CNST: variants seen among roughly 807,000 people sequenced by gnomAD.
The protein encoded by CNST is consortin, connexin sorting protein.
In CNST, 39 loss-of-function variants were observed where a neutral mutation model predicts 72.4. That is an observed-to-expected ratio of 0.54 (90% CI 0.42 to 0.70). The LOEUF is 0.70. Ranked by LOEUF, CNST falls within the 30% of genes least tolerant of loss-of-function variation. The pLI is 0.00. For synonymous variants in CNST, 332 were observed against 320.1 expected, an observed-to-expected ratio of 1.04 and a Z score of -0.40; for missense variants, 871 against 868.5, an observed-to-expected ratio of 1.00 and a Z score of -0.04.
intron 1 of CNST, among the ~76,000 whole-genome samples, chr1:246,579,629 C>T (rs1241364590): frequency 3.9e-5 from 6 of 152,090 alleles, no homozygotes; most frequent in Non-Finnish European, 1.5e-5. Flanking sequence ...ATGGTGGGCA[C>T]CTGTAATTCC....
chr1:246,634,647 G>A, intron 6 of CNST, 60 bp downstream of exon 6: 1 of 836,214 alleles, frequency 1.2e-6, no homozygotes, highest in South Asian at 1.6e-5. Context: ...AAGCATTATA[G>A]CATTGAGTAT....
intron 1 of CNST, among the ~76,000 whole-genome samples, chr1:246,578,266 G>A (rs769831169): frequency 6.6e-6 from 1 of 152,040 alleles, no homozygotes; most frequent in Non-Finnish European, 1.5e-5. Context: ...AAGCAAATTC[G>A]AGACAGTGTC....
chr1:246,573,094 C>T (rs769145243), intron 1 of CNST, among the ~76,000 whole-genome samples: 3 of 152,162 alleles, frequency 2.0e-5, no homozygotes, highest in Non-Finnish European at 2.9e-5. Context: ...TATTGATACC[C>T]ATTTTTGGCA....
intron 10 of CNST, among the ~76,000 whole-genome samples, chr1:246,665,314 G>A (rs1018630908): frequency 6.6e-6 from 1 of 152,270 alleles, no homozygotes; most frequent in Non-Finnish European, 1.5e-5. Context: ...CAGGGCTGCA[G>A]TGAGCCAAGA....
intron 3 of CNST, among the ~76,000 whole-genome samples, chr1:246,625,927 T>C (rs944287924): frequency 2.0e-5 from 3 of 152,224 alleles, no homozygotes; most frequent in Non-Finnish European, 2.9e-5. Flanking sequence ...ACTGGAGCTA[T>C]TGGAAACGTC....
intron 8 of CNST, among the ~76,000 whole-genome samples, chr1:246,643,898 C>T (rs1456359560): frequency 6.6e-6 from 1 of 152,132 alleles, no homozygotes; most frequent in African/African-American, 2.4e-5. Context: ...TGGGATGAAG[C>T]AACCATTTTC....
chr1:246,577,494 C>CT (rs1356628016), intron 1 of CNST, among the ~76,000 whole-genome samples: 5 of 151,998 alleles, frequency 3.3e-5, no homozygotes, highest in Non-Finnish European at 7.3e-5. Flanking sequence ...GTTGTTCAGA[C>CT]TTTACCTTTA....
chr1:246,660,141 A>G (rs912042321), intron 9 of CNST, 58 bp from the exon 10 acceptor site: 5 of 1,450,422 alleles, frequency 3.4e-6, no homozygotes, highest in African/African-American at 2.8e-5. Context: ...TTTTATAGCT[A>G]CATGTAGAGA....
chr1:246,625,038 C>T (rs1231324094), intron 3 of CNST, among the ~76,000 whole-genome samples: 1 of 152,130 alleles, frequency 6.6e-6, no homozygotes, highest in Admixed American at 6.5e-5. Flanking sequence ...GACACTTCAC[C>T]CCTAAATATT....
intron 2 of CNST, among the ~76,000 whole-genome samples, chr1:246,618,106 GT>G (rs1167990818): frequency 6.6e-6 from 1 of 152,190 alleles, no homozygotes; most frequent in Non-Finnish European, 1.5e-5. Context: ...CTTGTATTAG[GT>G]GGGTAACCTT....
chr1:246,616,470 G>C (rs1026504322), intron 2 of CNST, among the ~76,000 whole-genome samples: 26 of 152,244 alleles, frequency 1.7e-4, no homozygotes, highest in Middle Eastern at 3.4e-3. Context: ...AGGTGGGAGG[G>C]TCGCTTGAGC....
intron 10 of CNST, among the ~76,000 whole-genome samples, chr1:246,662,528 A>G (rs1365338616): frequency 2.0e-5 from 3 of 152,038 alleles, no homozygotes; most frequent in African/African-American, 7.2e-5. Flanking sequence ...AGCTGGGATT[A>G]CAGGCATGTT....
At chr1:246,570,888 C>T (rs1660028362) in intron 1 of CNST, among the ~76,000 whole-genome samples, 1 of 152,112 alleles carries the variant, frequency 6.6e-6, no homozygotes, top group African/African-American at 2.4e-5. Flanking sequence ...GCTTTAAAAG[C>T]ATTATATGCT....
At chr1:246,652,124 T>A (rs1666478006) in intron 9 of CNST, among the ~76,000 whole-genome samples, 1 of 152,250 alleles carries the variant, frequency 6.6e-6, no homozygotes, top group African/African-American at 2.4e-5. Context: ...GTGATGATTT[T>A]AGTGTCAGAA....
chr1:246,587,259 G>A (rs963806583), intron 1 of CNST, among the ~76,000 whole-genome samples: 3 of 152,148 alleles, frequency 2.0e-5, no homozygotes, highest in Non-Finnish European at 2.9e-5. Context: ...CACTGTGCCC[G>A]ACTAGTCTCA....
At chr1:246,594,799 T>C (rs190901345) in intron 2 of CNST, among the ~76,000 whole-genome samples, 12 of 152,256 alleles carry the variant, frequency 7.9e-5, no homozygotes, top group Non-Finnish European at 1.6e-4. Flanking sequence ...TGAGGAGTTA[T>C]AAAACCCAAG....
At chr1:246,654,374 C>T (rs1305263589) in intron 9 of CNST, among the ~76,000 whole-genome samples, 1 of 152,212 alleles carries the variant, frequency 6.6e-6, no homozygotes, top group African/African-American at 2.4e-5. Flanking sequence ...TGGAGAGTAC[C>T]AAACAGTGCC....
intron 10 of CNST, among the ~76,000 whole-genome samples, chr1:246,660,576 A>G (rs1009907549): frequency 6.6e-6 from 1 of 152,098 alleles, no homozygotes; most frequent in Non-Finnish European, 1.5e-5. Flanking sequence ...AATTAGAAAA[A>G]TTAGCGAGTG....
At chr1:246,621,335 C>A in intron 2 of CNST, 94 bp from the exon 3 acceptor site, 1 of 984,244 alleles carries the variant, frequency 1.0e-6, no homozygotes, top group South Asian at 1.4e-5. Context: ...TTAGTTTGGG[C>A]AAGCCAGGGC....
Sources: allele counts gnomAD v4.1 joint callset (sites outside exome capture counted in the v4.1 genomes callset), GRCh38; gene constraint gnomAD v4.1.1; transcripts MANE v1.5; gene names NCBI Gene and HGNC (gene_info 2026-07-23, HGNC 2026-07-21).